Variants in SLC43A2 observed in about 807,000 individuals in gnomAD.
SLC43A2 encodes the protein large neutral amino acids transporter small subunit 4.
SLC43A2 carries 38 observed loss-of-function variants against 63.2 expected under a neutral mutation model. The ratio of observed to expected loss-of-function variants is 0.60; its 90% confidence interval spans 0.46 to 0.79. The LOEUF is 0.79. SLC43A2 is among the 30% of genes least tolerant of loss of function. The probability of loss-of-function intolerance (pLI) is 0.00; values close to 1 mark genes in which losing one functional copy is unlikely to be tolerated. For missense variants in SLC43A2, 644 were observed against 756.2 expected, an observed-to-expected ratio of 0.85 and a Z score of 1.74; for synonymous variants, 322 against 331.0, an observed-to-expected ratio of 0.97 and a Z score of 0.30.
At chr17:1,587,312 T>C (rs1420306907) in intron 9 of SLC43A2, among the ~76,000 whole-genome samples, 1 of 152,158 alleles carries the variant, frequency 6.6e-6, no homozygotes, top group Non-Finnish European at 1.5e-5. Flanking sequence ...GAAGACCTGG[T>C]GCAATCAGGG....
intron 10 of SLC43A2, among the ~76,000 whole-genome samples, chr17:1,585,056 T>G (rs1157847615): frequency 1.3e-5 from 2 of 151,306 alleles, no homozygotes; most frequent in Non-Finnish European, 3.0e-5. Flanking sequence ...TGAATGAAAG[T>G]CACCATCTGA....
Position 1,576,594 on chromosome 17 carries a change from T to C in SLC43A2, c.1548+3A>G. On this transcript the variant is annotated splice_donor_region_variant and intron_variant, in intron 13 of 13. Transcript: ENST00000301335. Reference sequence around the variant, plus strand: ...TGACCCACCATCCCCCGACCCCTCTTACCCACAGAGGGTCTCCCTGGAGAG... The same window carrying C: ...TGACCCACCATCCCCCGACCCCTCTCACCCACAGAGGGTCTCCCTGGAGAG... The C allele has an allele frequency of 1.2e-6, 2 of 1,603,046 alleles. No homozygotes were observed. Among genetic ancestry groups the C allele is most frequent in the Middle Eastern group, 3.3e-4 (2 of 6,050 alleles).
At chr17:1,576,766 T>C (rs1044297682) in intron 12 of SLC43A2, 46 bp from the exon 13 acceptor site, 3 of 1,594,740 alleles carry the variant, frequency 1.9e-6, no homozygotes, top group South Asian at 2.2e-5. Flanking sequence ...TCCTGGGCTT[T>C]GCTTGGCCCC....
chr17:1,610,850 T>A (rs1907030259), intron 5 of SLC43A2, among the ~76,000 whole-genome samples: 1 of 151,708 alleles, frequency 6.6e-6, no homozygotes, highest in South Asian at 2.1e-4. Flanking sequence ...TTTCCTTTTT[T>A]TTTTTTTGAG....
Position 1,593,329 on chromosome 17 carries a change from AG to A in SLC43A2, c.502-51del. 1 of 1,551,268 alleles carries A rather than the reference AG, an allele frequency of 6.4e-7. No individual in the cohort carries two copies. The highest frequency in any genetic ancestry group is 8.9e-7 in the Non-Finnish European group (1 of 1,129,610). ...CTCAGTGGGGAGGATGCACCAGGGA[AG>A]GGGAGGAGGAGGGGACAGAGAACTA... On this transcript the variant is annotated intron_variant, in intron 5 of 13. Coordinates refer to ENST00000301335, the MANE Select transcript of SLC43A2 (RefSeq NM_152346.3). The surrounding 1 kb of genome is among the most constrained non-coding windows in gnomAD (Gnocchi z 5.3).
At position 1,580,438 on chromosome 17, in the gene SLC43A2, C is replaced by T. The variant is rs80356212; in HGVS notation, c.1351-2115G>A. Among the ~76,000 whole-genome samples the T allele has an allele frequency of 8.3e-3, 1,269 of 152,350 alleles. 8 individuals are homozygous for T. Among genetic ancestry groups the T allele is most frequent in the Non-Finnish European group, 0.013 (889 of 68,034 alleles). On this transcript the variant is annotated intron_variant, in intron 11 of 13. Coordinates refer to ENST00000301335, the MANE Select transcript of SLC43A2 (RefSeq NM_152346.3). ...GGCCTCGAGCTGCCTTTGCCCACCT[C>T]GGACTGTGCTCCAGGGTCTCCCAAG...
At chr17:1,587,031 AGAGATGGGAGAG>A in intron 9 of SLC43A2, 1 of 1,462,752 alleles carries the variant, frequency 6.8e-7, no homozygotes, top group South Asian at 1.3e-5. Flanking sequence ...AGTGCTACAG[AGAGATGGGAGAG>A]GAGGCAGGCT....
At chr17:1,600,662 T>G (rs1905906182) in intron 5 of SLC43A2, among the ~76,000 whole-genome samples, 1 of 147,784 alleles carries the variant, frequency 6.8e-6, no homozygotes, top group Non-Finnish European at 1.5e-5. Flanking sequence ...CAAATGATTC[T>G]CCTGCCTCAG....
chr17:1,580,388 C>A (rs1324871055), intron 11 of SLC43A2, among the ~76,000 whole-genome samples: 1 of 152,220 alleles, frequency 6.6e-6, no homozygotes, highest in Non-Finnish European at 1.5e-5. Context: ...ATGGGCACAG[C>A]ACTGAGCAAG....
At chr17:1,586,890 G>A in intron 9 of SLC43A2, 1 of 1,523,510 alleles carries the variant, frequency 6.6e-7, no homozygotes, top group South Asian at 1.2e-5. Flanking sequence ...GTTGAACAGA[G>A]ACTGGCTGGG....
At chr17:1,602,187 T>G (rs767246069) in intron 5 of SLC43A2, among the ~76,000 whole-genome samples, 6 of 152,160 alleles carry the variant, frequency 3.9e-5, no homozygotes, top group Non-Finnish European at 8.8e-5. Flanking sequence ...TAATTATTTT[T>G]ATAGAGACAG....
Position 1,571,744 on chromosome 17 carries a change from A to T in SLC43A2, c.*3860T>A, listed in dbSNP as rs921517011. On this transcript the variant is annotated 3_prime_UTR_variant, in exon 14 of 14. Coordinates refer to ENST00000301335, the MANE Select transcript of SLC43A2 (RefSeq NM_152346.3). The surrounding 1 kb of genome is among the most constrained non-coding windows in gnomAD (Gnocchi z 5.2). The stretch of plus-strand genomic sequence containing the variant: ...AAAGGATCCACCAGGGCCTGCAACC[A>T]CGTCTTTGGCCCCGGTGAGGGGTGG... 1.1e-4 allele frequency: 16 copies of T among 152,252 alleles called. No individual in the cohort carries two copies. Among genetic ancestry groups the T allele is most frequent in the African/African-American group, 3.1e-4 (13 of 41,410 alleles). The allele number at this position is 152,252 out of a possible 1,614,324, so 9.4% of individuals were successfully genotyped here.
chr17:1,609,140 A>C (rs1305351093), intron 5 of SLC43A2, among the ~76,000 whole-genome samples: 1 of 152,186 alleles, frequency 6.6e-6, no homozygotes, highest in East Asian at 1.9e-4. Context: ...AAGAGGAATG[A>C]CATGGCACTG....
intron 5 of SLC43A2, chr17:1,604,780 G>A (rs1008697999): frequency 1.4e-5 from 22 of 1,535,658 alleles, no homozygotes; most frequent in Middle Eastern, 1.7e-4. Context: ...ATGGTCCAGC[G>A]CCACAGCATC....
intron 13 of SLC43A2, 100 bp downstream of exon 13, chr17:1,576,497 A>G (rs991624618): frequency 7.4e-7 from 1 of 1,350,552 alleles, no homozygotes; most frequent in Non-Finnish European, 1.0e-6. Flanking sequence ...ACGCTCCCAC[A>G]TGTCCTCGGG....
intron 2 of SLC43A2, among the ~76,000 whole-genome samples, chr17:1,624,900 A>G (rs558633684): frequency 6.6e-6 from 1 of 151,596 alleles, no homozygotes; most frequent in Non-Finnish European, 1.5e-5. Context: ...TGTCTCAAAT[A>G]AAAAAAAACC....
intron 9 of SLC43A2, among the ~76,000 whole-genome samples, chr17:1,590,203 C>A (rs1481502683): frequency 1.3e-5 from 2 of 152,132 alleles, no homozygotes; most frequent in Non-Finnish European, 2.9e-5. Context: ...AGAATCAAAA[C>A]CTCTAATCAG....
intron 2 of SLC43A2, among the ~76,000 whole-genome samples, chr17:1,622,976 G>A (rs1908306877): frequency 1.3e-5 from 2 of 151,972 alleles, no homozygotes; most frequent in East Asian, 1.9e-4. Context: ...TATGGTGGCA[G>A]GCGCCTGTAA....
At position 1,569,749 on chromosome 17, in the gene SLC43A2, C is replaced by G. The variant is rs896399302; in HGVS notation, c.*5855G>C. The G allele has an allele frequency of 2.6e-5, 4 of 152,324 alleles. No individual in the cohort carries two copies. The highest frequency in any genetic ancestry group is 9.7e-5 in the African/African-American group (4 of 41,420). The allele number at this position is 152,324 out of a possible 1,614,324, so 9.4% of individuals were successfully genotyped here. A position where few individuals can be genotyped will look rare whatever the true frequency, so the allele number is the denominator to read the frequency against. ...CTTGTCCACCAGTGATTGATTATCT[C>G]GAGCAGCTATTTGGCCAAGTCTTAC... is the stretch of plus-strand genomic sequence containing the variant. On this transcript the variant is annotated 3_prime_UTR_variant, in exon 14 of 14. Transcript: ENST00000301335.
Sources: gnomAD v4.1 joint callset for allele counts (sites outside exome capture counted in the v4.1 genomes callset) on GRCh38, gnomAD v4.1.1 for gene constraint, Gnocchi (gnomAD v3.1) non-coding constraint, MANE v1.5 for transcripts, NCBI Gene and HGNC (gene_info 2026-07-23, HGNC 2026-07-21) for gene names.